Variants in ADGRV1 observed in about 807,000 individuals in gnomAD.
The protein encoded by ADGRV1 is adhesion G protein-coupled receptor V1, also known as G-protein coupled receptor 98.
A neutral mutation model predicts 596.2 loss-of-function variants in ADGRV1; 359 were observed. The ratio of observed to expected loss-of-function variants is 0.60; its 90% CI spans 0.55 to 0.66. The LOEUF is 0.66. Among genes scored for constraint, ADGRV1 ranks in the 30% least tolerant of loss-of-function variants. ADGRV1 has a pLI of 0.00. For missense variants in ADGRV1, 7,274 were observed against 7,575.6 expected (o/e 0.96, Z 1.48); for synonymous variants, 2,681 against 2,679.2 (o/e 1.00, Z -0.02).
At chr5:90,850,401 A>G (rs1374441424) in intron 79 of ADGRV1, among the ~76,000 whole-genome samples, 2 of 152,174 alleles carry the variant, frequency 1.3e-5, no homozygotes. Context: ...CTAAATGTCC[A>G]TCTGAGACCA....
chr5:90,789,106 T>C (rs1238829664), intron 68 of ADGRV1, among the ~76,000 whole-genome samples: 2 of 152,174 alleles, frequency 1.3e-5, no homozygotes, highest in Non-Finnish European at 2.9e-5. Flanking sequence ...AGAATTCCTT[T>C]TTCTCCAGGA....
intron 1 of ADGRV1, among the ~76,000 whole-genome samples, chr5:90,564,728 G>T (rs1383569321): frequency 1.9e-5 from 1 of 52,308 alleles, no homozygotes; most frequent in Non-Finnish European, 3.7e-5. Flanking sequence ...CCGGGTTCAC[G>T]CCATTCTCCT....
At chr5:90,849,941 T>G (rs1354976739) in intron 79 of ADGRV1, among the ~76,000 whole-genome samples, 1 of 152,234 alleles carries the variant, frequency 6.6e-6, no homozygotes, top group African/African-American at 2.4e-5. Context: ...TGTTTTGTCC[T>G]TACAGAGATC....
Position 91,102,222 on chromosome 5 carries a change from T to C in ADGRV1, c.18314T>C (p.Ile6105Thr). Residue 6105 changes from isoleucine to threonine, a missense_variant, in exon 87 of 90, where the codon ATT (isoleucine) becomes ACT (threonine). Ile to Thr is a moderately conservative substitution (Grantham distance 89). Around this residue, in one of 5 missense-constraint regions of ADGRV1, gnomAD observed 1,874 missense variants for 1,970.2 expected, o/e 0.95. Transcript: ENST00000405460. ...ATTCTTTTTTTTTTATTTCTAGAAA[T>C]TCCACTGATTTTATATCTCTTTGCT... ...VFRGRTNAAE[I>T]PLILYLFALI... The C allele has an allele frequency of 6.2e-7, 1 of 1,605,966 alleles. No homozygotes were observed. Among genetic ancestry groups the C allele is most frequent in the South Asian group, 1.1e-5 (1 of 89,878 alleles).
intron 62 of ADGRV1, 76 bp from the exon 63 acceptor site, chr5:90,778,351 G>T (rs1238119594): frequency 8.0e-7 from 1 of 1,247,322 alleles, no homozygotes; most frequent in East Asian, 2.5e-5. Context: ...AAAATCTGTT[G>T]TTATTATTTA....
At chr5:90,729,434 A>G (rs1752239915) in intron 49 of ADGRV1, among the ~76,000 whole-genome samples, 1 of 152,202 alleles carries the variant, frequency 6.6e-6, no homozygotes, top group African/African-American at 2.4e-5. Context: ...ACATTATATC[A>G]TGGTTAATGA....
At chr5:91,090,246 G>T (rs1436087123) in intron 86 of ADGRV1, among the ~76,000 whole-genome samples, 1 of 152,096 alleles carries the variant, frequency 6.6e-6, no homozygotes, top group Non-Finnish European at 1.5e-5. Context: ...TGGCACTTTT[G>T]AAGTACATGG....
chr5:90,876,701 G>A (rs1438428692), intron 83 of ADGRV1, among the ~76,000 whole-genome samples: 1 of 152,194 alleles, frequency 6.6e-6, no homozygotes, highest in Non-Finnish European at 1.5e-5. Context: ...GGTCAAGCAA[G>A]TCTGTCTACC....
chr5:91,114,396 A>C (rs969491039), intron 87 of ADGRV1, among the ~76,000 whole-genome samples: 3 of 151,982 alleles, frequency 2.0e-5, no homozygotes, highest in African/African-American at 7.3e-5. Flanking sequence ...GTGTGGTGGC[A>C]CACGCCTGTA....
intron 85 of ADGRV1, among the ~76,000 whole-genome samples, chr5:91,053,087 C>A (rs1581909617): frequency 1.3e-5 from 2 of 152,160 alleles, no homozygotes; most frequent in African/African-American, 4.8e-5. Context: ...TTGTCATTTT[C>A]ATTGGGTTGA....
intron 83 of ADGRV1, among the ~76,000 whole-genome samples, chr5:90,954,578 A>C (rs1194710099): frequency 6.6e-6 from 1 of 152,202 alleles, no homozygotes; most frequent in Non-Finnish European, 1.5e-5. Flanking sequence ...ACTATGATGC[A>C]TTATCTATAA....
At chr5:90,777,807 A>G (rs1758404802) in intron 61 of ADGRV1, 98 bp from the exon 62 acceptor site, 1 of 1,092,954 alleles carries the variant, frequency 9.1e-7, no homozygotes, top group Non-Finnish European at 1.3e-6. Context: ...TGTTATTGAA[A>G]TGGATGAAAA....
At chr5:90,594,135 GTAA>G (rs1439469969) in intron 1 of ADGRV1, among the ~76,000 whole-genome samples, 11 of 152,144 alleles carry the variant, frequency 7.2e-5, no homozygotes, top group Admixed American at 6.5e-4. Context: ...GGATGCAAAG[GTAA>G]ATAAAATATG....
Position 90,692,707 on chromosome 5 carries a change from G to A in ADGRV1, c.7054G>A (p.Val2352Ile), listed in dbSNP as rs573793465. 4 of 1,610,534 alleles carry A rather than the reference G, an allele frequency of 2.5e-6. No homozygotes were observed. The highest frequency in any genetic ancestry group is 1.7e-5 in the Admixed American group (1 of 59,470). ...TGCCAATGATGATCCTTATGGTACA[G>A]TAGCCTTTGCTCAGATGGTTTATCG... ...IPANDDPYGT[V>I]AFAQMVYRVQ... Residue 2352 changes from valine to isoleucine, a missense_variant, in exon 32 of 90, where the codon GTA becomes ATA. Transcript: ENST00000405460.
chr5:90,753,798 G>A lies in ADGRV1; in HGVS notation c.11346G>A (p.Ala3782=), dbSNP rs375790811. The change falls in exon 54 of 90, where the codon GCG becomes GCA. Residue 3782 remains alanine (A), a synonymous_variant. Transcript: ENST00000405460. ...SPFGLVGWRA[A]SVFIRVAEPK... is the part of the protein sequence containing the mutation. ...TTGGCTTGGTGGGCTGGCGTGCTGC[G>A]TCTGTCTTCATTAGAGTAGCAGAGC... The A allele has an allele frequency of 4.7e-5, 76 of 1,610,616 alleles. 1 individual carries two copies. In the South Asian group the frequency reaches 5.7e-4, roughly 12 times the overall value.
rs111033429 is a variant in ADGRV1, at chr5:90,693,935, C to T, written c.7179C>T (p.Asp2393=). The T allele has an allele frequency of 9.4e-3, 15,079 of 1,597,582 alleles. 96 individuals carry two copies. Among genetic ancestry groups the T allele is most frequent in the Non-Finnish European group, 0.011 (12,869 of 1,169,228 alleles). ...TGTTGTTGTTCTACAGTACTTCCGA[C>T]ATTGATGTAGTGGCTCTGGCAATGG... is the stretch of plus-strand genomic sequence containing the variant. The part of the protein sequence containing the change: ...GRLLLFYSTS[D]IDVVALAMEE... Residue 2393 remains aspartate, a synonymous_variant, in exon 33 of 90, where the codon GAC becomes GAT. Transcript: ENST00000405460.
chr5:90,617,977 A>G (rs773705664), intron 3 of ADGRV1, 24 bp downstream of exon 3: 4 of 1,511,188 alleles, frequency 2.6e-6, no homozygotes, highest in Non-Finnish European at 2.7e-6. Context: ...TCCTCCTTAT[A>G]AAAATTATAA....
intron 86 of ADGRV1, among the ~76,000 whole-genome samples, chr5:91,096,345 A>G (rs1192811726): frequency 6.6e-6 from 1 of 152,236 alleles, no homozygotes; most frequent in African/African-American, 2.4e-5. Flanking sequence ...TAAAAATGGC[A>G]GTTAAATTCG....
At chr5:90,995,934 T>G (rs1361784633) in intron 85 of ADGRV1, among the ~76,000 whole-genome samples, 1 of 152,160 alleles carries the variant, frequency 6.6e-6, no homozygotes, top group Non-Finnish European at 1.5e-5. Context: ...AGAGAAATTT[T>G]TAAGCAGCAG....
Sources: allele counts gnomAD v4.1 joint callset (sites outside exome capture counted in the v4.1 genomes callset), GRCh38; gene constraint gnomAD v4.1.1; regional missense constraint gnomAD v4.1.1; transcripts MANE v1.5; gene names NCBI Gene and HGNC (gene_info 2026-07-23, HGNC 2026-07-21).